C2orf49: variants seen among roughly 807,000 people sequenced by gnomAD.
The protein encoded by C2orf49 is tRNA splicing ligase complex subunit 2.
C2orf49 carries 11 observed loss-of-function variants against 20.6 expected under a neutral mutation model. The ratio of observed to expected loss-of-function variants is 0.53; its 90% CI spans 0.34 to 0.88. The LOEUF (loss-of-function observed/expected upper bound fraction) is 0.88. Among genes scored for constraint, C2orf49 ranks in the 40% least tolerant of loss-of-function variants. C2orf49 has a pLI of 0.02. For synonymous variants in C2orf49, 134 were observed against 108.5 expected (o/e 1.24, Z -1.46); for missense variants, 289 against 274.2 (o/e 1.05, Z -0.38).
chr2:105,375,652 C>T, the C2orf49 span: 1 of 152,204 alleles, frequency 6.6e-6, no homozygotes, highest in African/African-American at 2.4e-5. Context: ...AGAGTGCTCT[C>T]AAAGCTGGAC....
chr2:105,352,076 A>G (rs916232474), downstream of C2orf49, among the ~76,000 whole-genome samples: 9 of 152,184 alleles, frequency 5.9e-5, no homozygotes, highest in African/African-American at 2.2e-4. Flanking sequence ...TAATTGTTCA[A>G]TTGCAGTACA....
the C2orf49 span, among the ~76,000 whole-genome samples, chr2:105,371,415 C>G: frequency 6.6e-6 from 1 of 152,026 alleles, no homozygotes; most frequent in Non-Finnish European, 1.5e-5. Flanking sequence ...TTCCAGCCTG[C>G]CGCCCTACGG....
chr2:105,354,612 G>A, the C2orf49 span, among the ~76,000 whole-genome samples: 1 of 151,554 alleles, frequency 6.6e-6, no homozygotes, highest in Non-Finnish European at 1.5e-5. Context: ...GTTGCAGTGA[G>A]CCCTGATCGC....
the C2orf49 span, among the ~76,000 whole-genome samples, chr2:105,381,873 G>T: frequency 3.3e-5 from 5 of 152,194 alleles, no homozygotes; most frequent in African/African-American, 1.2e-4. Context: ...TGGAGTAGGT[G>T]CTCTTCCCAG....
chr2:105,338,740 T>G (rs943544689), intron 1 of C2orf49, among the ~76,000 whole-genome samples: 1 of 152,184 alleles, frequency 6.6e-6, no homozygotes, highest in African/African-American at 2.4e-5. Flanking sequence ...TGTGCTTTTA[T>G]TAGTTTTTGT....
Position 105,340,026 on chromosome 2 carries a change from A to G in C2orf49, c.266+277A>G, listed in dbSNP as rs1679624507. Among the ~76,000 whole-genome samples, 3 of 152,346 alleles carry G rather than the reference A, an allele frequency of 2.0e-5. No homozygotes were observed. In the South Asian group the frequency reaches 6.2e-4, roughly 32 times the overall value. On this transcript the variant is annotated intron_variant, in intron 2 of 3. Transcript: ENST00000258457. The stretch of plus-strand genomic sequence containing the variant: ...TACAATTTTTGGTAAATTATCCAGG[A>G]AGATCTTAGTGAAAAATGACATTTT...
chr2:105,377,528 G>A, the C2orf49 span, among the ~76,000 whole-genome samples: 1 of 152,156 alleles, frequency 6.6e-6, no homozygotes, highest in Non-Finnish European at 1.5e-5. Flanking sequence ...CTACTCAGGA[G>A]GCTGAGGCAG....
chr2:105,364,935 TC>T, the C2orf49 span, among the ~76,000 whole-genome samples: 2 of 152,158 alleles, frequency 1.3e-5, no homozygotes, highest in South Asian at 4.1e-4. Context: ...TCATGAAGCA[TC>T]TTAGTATAAC....
At chr2:105,352,452 G>A (rs376892801), downstream of C2orf49, among the ~76,000 whole-genome samples, 1 of 68,054 alleles carries the variant, frequency 1.5e-5, no homozygotes, top group African/African-American at 6.9e-5. Context: ...TTTTTTTTTC[G>A]TTTTTTTTTT....
rs1367168119 is a variant in C2orf49 at position 105,339,563 on chromosome 2, T to A, written c.100-20T>A. 2 of 1,575,492 alleles carry A rather than the reference T, an allele frequency of 1.3e-6. No individual in the cohort carries two copies. Among genetic ancestry groups the A allele is most frequent in the East Asian group, 4.6e-5 (2 of 43,464 alleles). On this transcript the variant is annotated intron_variant, in intron 1 of 3. Coordinates refer to ENST00000258457, the MANE Select transcript of C2orf49 (RefSeq NM_024093.3). ...ATTAAAAACATTGTTTTGAAATTAC[T>A]TTTGTTTCCTTTCCCGCAGAAGAAC...
chr2:105,361,200 CA>C, the C2orf49 span: 1 of 1,431,736 alleles, frequency 7.0e-7, no homozygotes, highest in Non-Finnish European at 9.6e-7. Context: ...TGGAAGAAAC[CA>C]GAAGGCAAGA....
At chr2:105,362,172 A>C in the C2orf49 span, among the ~76,000 whole-genome samples, 2 of 152,244 alleles carry the variant, frequency 1.3e-5, no homozygotes, top group Non-Finnish European at 2.9e-5. Flanking sequence ...TGAAAACAGC[A>C]TTAAAGATGA....
the C2orf49 span, chr2:105,378,105 C>T: frequency 2.1e-6 from 1 of 466,430 alleles, no homozygotes; most frequent in Non-Finnish European, 4.5e-6. Flanking sequence ...GAGGAAAGAG[C>T]ACATCAGCAT....
rs1032935370 is a variant in C2orf49 at position 105,342,573 on chromosome 2, G to C, written c.267-275G>C. Among the ~76,000 whole-genome samples the C allele has an allele frequency of 1.3e-5, 2 of 151,876 alleles. 1 individual carries two copies. Among genetic ancestry groups the C allele is most frequent in the South Asian group, 4.1e-4 (2 of 4,820 alleles). ...TAGGAAATCTCATTTTAAGTTCCAG[G>C]GCTAGATGGTTAATTGATGTTTTAA... On this transcript the variant is annotated intron_variant, in intron 2 of 3. Coordinates refer to ENST00000258457, the MANE Select transcript of C2orf49 (RefSeq NM_024093.3).
the C2orf49 span, among the ~76,000 whole-genome samples, chr2:105,366,723 A>G: frequency 6.6e-6 from 1 of 152,190 alleles, no homozygotes; most frequent in Non-Finnish European, 1.5e-5. Flanking sequence ...ATAGCACATT[A>G]TCGAGTAGAT....
At chr2:105,363,354 C>T in the C2orf49 span, 1 of 1,614,206 alleles carries the variant, frequency 6.2e-7, no homozygotes, top group Non-Finnish European at 8.5e-7. Flanking sequence ...AGGCAGTAGG[C>T]AAAGTCATCG....
chr2:105,381,305 G>A, the C2orf49 span, among the ~76,000 whole-genome samples: 2 of 152,148 alleles, frequency 1.3e-5, no homozygotes, highest in African/African-American at 4.8e-5. Flanking sequence ...GACAACAGCA[G>A]AAATGACAGC....
rs370659049 is a variant in C2orf49 at position 105,347,585 on chromosome 2, G to C, written c.*2214G>C. 1.3e-5 allele frequency: 2 copies of C among 152,184 alleles called. No individual in the cohort carries two copies. Among genetic ancestry groups the C allele is most frequent in the Non-Finnish European group, 2.9e-5 (2 of 68,024 alleles). 9.4% of individuals were successfully genotyped at this position (152,184 alleles called of 1,614,324 possible). ...GCAGCATATTATTGAGCTATTTTGA[G>C]TTTGAAATGTGGAGAAACGCTAAAC... On this transcript the variant is annotated 3_prime_UTR_variant, in exon 4 of 4. Coordinates refer to ENST00000258457, the MANE Select transcript of C2orf49 (RefSeq NM_024093.3).
At chr2:105,353,065 T>C (rs1679976617), downstream of C2orf49, among the ~76,000 whole-genome samples, 1 of 152,176 alleles carries the variant, frequency 6.6e-6, no homozygotes, top group African/African-American at 2.4e-5. Flanking sequence ...GGTTATCCCA[T>C]GGCAGAAGGC....
Sources: gnomAD v4.1 joint callset for allele counts (sites outside exome capture counted in the v4.1 genomes callset) on GRCh38, gnomAD v4.1.1 for gene constraint, MANE v1.5 for transcripts, NCBI Gene and HGNC (gene_info 2026-07-23, HGNC 2026-07-21) for gene names.